Variants in PWWP2A observed in about 807,000 individuals in gnomAD.
The protein encoded by PWWP2A is PWWP domain-containing protein 2A.
PWWP2A carries 18 observed loss-of-function variants against 48.5 expected under a neutral mutation model. The ratio of observed to expected loss-of-function variants is 0.37; its 90% confidence interval spans 0.26 to 0.55. The LOEUF (loss-of-function observed/expected upper bound fraction) is 0.55, where lower values mean the gene tolerates loss of function less well. Ranked by LOEUF, PWWP2A falls within the 20% of genes least tolerant of loss-of-function variation. The pLI, the probability that PWWP2A is intolerant of heterozygous loss-of-function variation, is 0.81. For synonymous variants in PWWP2A, 396 were observed against 387.7 expected (o/e 1.02, Z -0.25); for missense variants, 867 against 976.4 (o/e 0.89, Z 1.49).
intron 2 of PWWP2A, among the ~76,000 whole-genome samples, chr5:160,068,514 G>A (rs1235849756): frequency 1.3e-5 from 2 of 152,154 alleles, no homozygotes; most frequent in Non-Finnish European, 1.5e-5. Context: ...CAGGAGAATC[G>A]TTTGGACCCA....
intron 1 of PWWP2A, among the ~76,000 whole-genome samples, chr5:160,097,336 CAAAAAAAAA>C (rs70987999): frequency 5.8e-5 from 2 of 34,364 alleles, no homozygotes; most frequent in Non-Finnish European, 1.0e-4. Flanking sequence ...GCCTTTGTCT[CAAAAAAAAA>C]AAAAAAAAAA....
downstream of PWWP2A, among the ~76,000 whole-genome samples, chr5:160,058,700 C>T (rs1405675071): frequency 2.6e-5 from 4 of 152,044 alleles, no homozygotes; most frequent in African/African-American, 4.8e-5. Flanking sequence ...CGTGAGCCAC[C>T]GCGCCTGGCC....
At position 160,093,167 on chromosome 5, in the gene PWWP2A, C is replaced by T. The variant is rs1183879178; in HGVS notation, c.1483G>A (p.Glu495Lys). 12 of 1,613,844 alleles carry T rather than the reference C, an allele frequency of 7.4e-6. No individual in the cohort carries two copies. The highest frequency in any genetic ancestry group is 1.0e-5 in the Non-Finnish European group (12 of 1,179,890). Residue 495 changes from glutamate to lysine, a missense_variant, in exon 2 of 2, where the codon GAG becomes AAG. Glu to Lys is a moderately conservative substitution (Grantham distance 56). Transcript: ENST00000307063. The surrounding 1 kb of genome is among the most constrained non-coding windows in gnomAD (Gnocchi z 5.8). ...ENDSSLKTGLEKMRSGKMAPK... is the reference protein window; with the variant it reads ...ENDSSLKTGLKKMRSGKMAPK... The stretch of plus-strand genomic sequence containing the variant: ...GCCATCTTGCCACTCCGCATTTTCT[C>T]AAGTCCTGTCTTCAGAGAAGAGTCA...
intron 1 of PWWP2A, among the ~76,000 whole-genome samples, chr5:160,096,554 A>G (rs1215935733): frequency 6.6e-6 from 1 of 152,240 alleles, no homozygotes; most frequent in Non-Finnish European, 1.5e-5. Context: ...AACTTGTAAG[A>G]AGGCATAATT....
At position 160,119,418 on chromosome 5, in the gene PWWP2A, C is replaced by A; in HGVS notation, c.-30G>T. On this transcript the variant is annotated 5_prime_UTR_variant, in exon 1 of 2. Transcript: ENST00000307063. ...TTCCTAGCTTCTCCCTCCTCCAACTCCGGCTGCAGCGGCGGCGGCGACAGC... is the reference window on the plus strand; with the variant it reads ...TTCCTAGCTTCTCCCTCCTCCAACTACGGCTGCAGCGGCGGCGGCGACAGC... 7.4e-7 allele frequency: 1 copy of A among 1,353,826 alleles called. No homozygotes were observed. The highest frequency in any genetic ancestry group is 2.0e-4 in the Middle Eastern group (1 of 5,050). 83.9% of individuals were successfully genotyped at this position (1,353,826 alleles called of 1,614,324 possible).
intron 4 of PWWP2A, chr5:160,064,877 C>T (rs1753552962): frequency 1.3e-6 from 2 of 1,561,038 alleles, no homozygotes; most frequent in Non-Finnish European, 1.7e-6. Flanking sequence ...TAATTGGTAC[C>T]TTCCTGCTTC....
At chr5:160,075,506 GAAGC>G (rs1314026721), downstream of PWWP2A, among the ~76,000 whole-genome samples, 3 of 152,068 alleles carry the variant, frequency 2.0e-5, no homozygotes, top group Admixed American at 6.5e-5. Flanking sequence ...GGCTCTTAAA[GAAGC>G]AACCATTTAT....
chr5:160,087,491 A>G (rs1341457339), downstream of PWWP2A, among the ~76,000 whole-genome samples: 1 of 152,156 alleles, frequency 6.6e-6, no homozygotes, highest in African/African-American at 2.4e-5. Flanking sequence ...GAAGTGGGGT[A>G]ATGCCAGCAG....
intron 1 of PWWP2A, chr5:160,113,362 C>G: frequency 2.0e-6 from 2 of 981,344 alleles, no homozygotes; most frequent in Non-Finnish European, 2.4e-6. Flanking sequence ...GGAGGGGAAG[C>G]ATTTCAAATG....
Position 160,118,891 on chromosome 5 carries a change from C to T in PWWP2A, c.498G>A (p.Leu166=), listed in dbSNP as rs1379560007. The change falls in exon 1 of 2, where the codon CTG becomes CTA. Residue 166 remains leucine (L), a synonymous_variant. Transcript: ENST00000307063. The part of the protein sequence containing the change: ...LIPGSEVRVT[L]DHIIEDALVV... ...CAAGCGCGTCCTCAATGATGTGGTC[C>T]AGCGTGACCCGCACCTCCGAGCCCG... 1 of 1,601,122 alleles carries T rather than the reference C, an allele frequency of 6.2e-7. No individual in the cohort carries two copies. The highest frequency in any genetic ancestry group is 1.4e-5 in the African/African-American group (1 of 73,414).
chr5:160,113,363 ATT>A, intron 1 of PWWP2A: 1 of 980,746 alleles, frequency 1.0e-6, no homozygotes. Flanking sequence ...GAGGGGAAGC[ATT>A]TCAAATGATT....
At chr5:160,084,584 G>A (rs765249661) in intron 2 of PWWP2A, among the ~76,000 whole-genome samples, 24 of 150,862 alleles carry the variant, frequency 1.6e-4, no homozygotes, top group Non-Finnish European at 2.2e-4. Context: ...GTGCACCACC[G>A]AGCCCACCTT....
At chr5:160,084,167 C>T (rs1423391030) in intron 2 of PWWP2A, among the ~76,000 whole-genome samples, 1 of 152,186 alleles carries the variant, frequency 6.6e-6, no homozygotes, top group Non-Finnish European at 1.5e-5. Context: ...TCATGCAAGA[C>T]ATTTTTTTTA....
rs1026122833 is a variant in PWWP2A, at chr5:160,077,446, T to C, written c.*709A>G. The C allele has an allele frequency of 6.6e-6, 1 of 152,184 alleles. No homozygotes were observed. The highest frequency in any genetic ancestry group is 6.5e-5 in the Admixed American group (1 of 15,272). 9.4% of individuals were successfully genotyped at this position (152,184 alleles called of 1,614,324 possible). ...AAAGGTAAGAATGTAATTATGAAAA[T>C]GTGCACAAAATGTTAAATACTAGTG... is the stretch of plus-strand genomic sequence containing the variant. On this transcript the variant is annotated 3_prime_UTR_variant, in exon 4 of 4. Transcript: ENST00000456329. This position sits in a 1 kb window ranked among gnomAD's most constrained non-coding sequence, Gnocchi z 4.2.
At chr5:160,080,538 TAAAGAAAAAG>T in intron 3 of PWWP2A, 1 of 1,070,590 alleles carries the variant, frequency 9.3e-7, no homozygotes, top group Non-Finnish European at 1.2e-6. Context: ...CAATGAAAAC[TAAAGAAAAAG>T]AACTAATGAA....
At chr5:160,094,730 A>T (rs1476331619) in intron 1 of PWWP2A, among the ~76,000 whole-genome samples, 5 of 152,112 alleles carry the variant, frequency 3.3e-5, no homozygotes, top group Non-Finnish European at 7.4e-5. Context: ...TAAGAAATAT[A>T]TTTGCATTGC....
intron 1 of PWWP2A, among the ~76,000 whole-genome samples, chr5:160,098,970 C>A (rs937819879): frequency 2.6e-5 from 4 of 152,026 alleles, no homozygotes; most frequent in African/African-American, 9.7e-5. Flanking sequence ...CAAAACAAAA[C>A]CCTAATTCTT....
chr5:160,112,905 C>A (rs1054027932), intron 1 of PWWP2A, among the ~76,000 whole-genome samples: 2 of 152,180 alleles, frequency 1.3e-5, no homozygotes, highest in African/African-American at 2.4e-5. Flanking sequence ...CACCTGTAAT[C>A]CCAACACTTT....
chr5:160,104,056 G>A (rs1348358790), intron 1 of PWWP2A, among the ~76,000 whole-genome samples: 7 of 138,402 alleles, frequency 5.1e-5, no homozygotes, highest in Non-Finnish European at 9.1e-5. Flanking sequence ...CCTGGGAGGC[G>A]GAGGTTGCAG....
Sources: gnomAD v4.1 joint callset for allele counts (sites outside exome capture counted in the v4.1 genomes callset) on GRCh38, gnomAD v4.1.1 for gene constraint, Gnocchi (gnomAD v3.1) non-coding constraint, MANE v1.5 for transcripts, NCBI Gene and HGNC (gene_info 2026-07-23, HGNC 2026-07-21) for gene names.